The following TOX2 variants were observed in gnomAD, a reference collection of about 807,000 sequenced individuals.
The protein encoded by TOX2 is granulosa cell HMG box 1.
A neutral mutation model predicts 47.4 loss-of-function variants in TOX2; 15 were observed. The observed-to-expected ratio is 0.32, with a 90% CI of 0.21 to 0.49. The LOEUF (loss-of-function observed/expected upper bound fraction) is 0.49, where lower values mean the gene tolerates loss of function less well. TOX2 is among the 20% of genes least tolerant of loss of function. The pLI is 0.99. For synonymous variants in TOX2, 290 were observed against 296.6 expected, an observed-to-expected ratio of 0.98 and a Z score of 0.23; for missense variants, 622 against 673.1, an observed-to-expected ratio of 0.92 and a Z score of 0.84.
At chr20:44,016,412 C>G (rs1184177446) in intron 3 of TOX2, among the ~76,000 whole-genome samples, 1 of 152,170 alleles carries the variant, frequency 6.6e-6, no homozygotes, top group African/African-American at 2.4e-5. Flanking sequence ...ACGTGAGCCA[C>G]TATGCCTGGC....
At chr20:44,003,330 T>C (rs1176989839) in intron 2 of TOX2, among the ~76,000 whole-genome samples, 1 of 151,872 alleles carries the variant, frequency 6.6e-6, no homozygotes, top group East Asian at 1.9e-4. Context: ...GGACTACAGG[T>C]GCATGGCCAC....
At chr20:43,990,139 T>C (rs935661033) in intron 2 of TOX2, among the ~76,000 whole-genome samples, 6 of 152,212 alleles carry the variant, frequency 3.9e-5, no homozygotes, top group Admixed American at 6.5e-5. Context: ...TTGTGAAGAT[T>C]AACAAATTCA....
At chr20:43,922,425 GATGGT>G (rs1327951008) in intron 1 of TOX2, among the ~76,000 whole-genome samples, 4 of 152,170 alleles carry the variant, frequency 2.6e-5, no homozygotes, top group African/African-American at 9.7e-5. Context: ...TAAACTAGAA[GATGGT>G]GGTGAAGCGA....
At chr20:43,952,542 GAGAA>G (rs1299844405) in intron 1 of TOX2, among the ~76,000 whole-genome samples, 1 of 152,206 alleles carries the variant, frequency 6.6e-6, no homozygotes, top group African/African-American at 2.4e-5. Flanking sequence ...TGGTCCTCTA[GAGAA>G]AGCCTGCAGA....
At chr20:43,921,647 G>C (rs1568997937) in intron 1 of TOX2, among the ~76,000 whole-genome samples, 1 of 151,900 alleles carries the variant, frequency 6.6e-6, no homozygotes, top group Non-Finnish European at 1.5e-5. Context: ...GCCCCGCCAT[G>C]TTCTTCTTCT....
At position 44,006,858 on chromosome 20, in the gene TOX2, G is replaced by A. The variant is rs78100251; in HGVS notation, c.411+66G>A. ...CAGGGAGGGGGTTGAGAGGGAAGCA[G>A]AAGAATGTTGATGCTTTGATAAGAA... is the stretch of plus-strand genomic sequence containing the variant. On this transcript the variant is annotated intron_variant, in intron 3 of 8. Transcript: ENST00000341197. 1.6e-5 allele frequency: 25 copies of A among 1,539,934 alleles called. No homozygotes were observed. In the African/African-American group the frequency reaches 2.7e-4, roughly 17 times the overall value.
chr20:44,039,215 G>A (rs747188428), intron 3 of TOX2: 5 of 1,286,002 alleles, frequency 3.9e-6, no homozygotes, highest in African/African-American at 3.0e-5. Context: ...CTTCTCTGAG[G>A]AGGTGACATT....
At chr20:44,065,512 A>G (rs771102635) in intron 6 of TOX2, among the ~76,000 whole-genome samples, 200 bp from the exon 7 acceptor site, 7 of 152,194 alleles carry the variant, frequency 4.6e-5, no homozygotes, top group Admixed American at 4.6e-4. Flanking sequence ...GAGCCCCCCA[A>G]AGATAAAAGC....
chr20:43,927,413 T>C (rs937206971), intron 1 of TOX2, among the ~76,000 whole-genome samples: 2 of 150,644 alleles, frequency 1.3e-5, no homozygotes, highest in African/African-American at 4.9e-5. Context: ...AATGGAGTCC[T>C]CAGAAATATA....
intron 1 of TOX2, among the ~76,000 whole-genome samples, chr20:43,930,223 C>T (rs1172296618): frequency 2.0e-5 from 3 of 152,184 alleles, no homozygotes; most frequent in South Asian, 2.1e-4. Context: ...AGATGACCAC[C>T]GTAACATAGC....
intron 1 of TOX2, among the ~76,000 whole-genome samples, chr20:43,962,088 G>A (rs1374150977): frequency 1.3e-5 from 2 of 152,262 alleles, no homozygotes; most frequent in South Asian, 2.1e-4. Flanking sequence ...TACAATCGGG[G>A]ATGGGAGAGA....
intron 1 of TOX2, among the ~76,000 whole-genome samples, chr20:43,939,452 C>T (rs926977993): frequency 6.6e-6 from 1 of 152,206 alleles, no homozygotes; most frequent in Non-Finnish European, 1.5e-5. Context: ...GCATGCTCCA[C>T]TGCACTCAAA....
chr20:43,987,363 G>T (rs950966052), intron 2 of TOX2, among the ~76,000 whole-genome samples: 3 of 152,178 alleles, frequency 2.0e-5, no homozygotes, highest in Non-Finnish European at 4.4e-5. Flanking sequence ...TTACCCTAGA[G>T]GGGGGTGGGG....
At chr20:44,046,458 A>G (rs549741626) in intron 3 of TOX2, among the ~76,000 whole-genome samples, 217 of 152,348 alleles carry the variant, frequency 1.4e-3, no homozygotes, top group African/African-American at 4.8e-3. Flanking sequence ...GGAATTCTGG[A>G]TGTCTACTCA....
chr20:43,995,977 G>A (rs2070470437), intron 2 of TOX2, among the ~76,000 whole-genome samples: 1 of 152,118 alleles, frequency 6.6e-6, no homozygotes, highest in Non-Finnish European at 1.5e-5. Context: ...ATGAACATTT[G>A]TGTACACATG....
At chr20:44,067,429 G>T (rs1015527635) in intron 8 of TOX2, among the ~76,000 whole-genome samples, 2 of 152,136 alleles carry the variant, frequency 1.3e-5, no homozygotes, top group Non-Finnish European at 2.9e-5. Flanking sequence ...GCTGTGGGCT[G>T]CCCCGGGGTG....
At chr20:43,968,449 G>T (rs1416877257) in intron 1 of TOX2, among the ~76,000 whole-genome samples, 1 of 152,148 alleles carries the variant, frequency 6.6e-6, no homozygotes, top group Non-Finnish European at 1.5e-5. Context: ...AGCATGGTGT[G>T]CTTAGGTTGG....
At chr20:44,044,583 C>T (rs973332678) in intron 3 of TOX2, among the ~76,000 whole-genome samples, 2 of 152,054 alleles carry the variant, frequency 1.3e-5, no homozygotes, top group Non-Finnish European at 2.9e-5. Flanking sequence ...CTACCTCACA[C>T]CTATTAGGAT....
At chr20:44,034,281 A>G (rs1371534781) in intron 3 of TOX2, among the ~76,000 whole-genome samples, 1 of 151,444 alleles carries the variant, frequency 6.6e-6, no homozygotes, top group Non-Finnish European at 1.5e-5. Context: ...CTGTCCAGGT[A>G]TTGGAGGGGC....
Sources: gnomAD v4.1 joint callset for allele counts (sites outside exome capture counted in the v4.1 genomes callset) on GRCh38, gnomAD v4.1.1 for gene constraint, MANE v1.5 for transcripts, NCBI Gene and HGNC (gene_info 2026-07-23, HGNC 2026-07-21) for gene names.